Variants in THOC1 observed in about 807,000 individuals in gnomAD.
THOC1 encodes the protein THO complex 1.
THOC1 carries 29 observed loss-of-function variants against 97.3 expected under a neutral mutation model. That is an observed-to-expected ratio of 0.30 (90% CI 0.22 to 0.41). The LOEUF (loss-of-function observed/expected upper bound fraction) is 0.41. THOC1 is among the 10% of genes least tolerant of loss of function. The probability of loss-of-function intolerance (pLI) is 1.00; values close to 1 mark genes in which losing one functional copy is unlikely to be tolerated. For synonymous variants in THOC1, 255 were observed against 257.0 expected, an observed-to-expected ratio of 0.99 and a Z score of 0.07; for missense variants, 529 against 761.9, an observed-to-expected ratio of 0.69 and a Z score of 3.60.
At chr18:223,357 G>T in intron 17 of THOC1, 83 bp downstream of exon 17, 2 of 1,102,604 alleles carry the variant, frequency 1.8e-6, no homozygotes, top group Non-Finnish European at 2.6e-6. Context: ...TTTCATTTGA[G>T]CTCTGATCAT....
At chr18:229,364 C>T (rs1236099616) in intron 11 of THOC1, among the ~76,000 whole-genome samples, 2 of 152,146 alleles carry the variant, frequency 1.3e-5, no homozygotes, top group Non-Finnish European at 2.9e-5. Context: ...ATCATCTGAC[C>T]GCCTCATCCA....
At chr18:253,049 TAAG>T (rs1912330664) in intron 8 of THOC1, among the ~76,000 whole-genome samples, 1 of 152,164 alleles carries the variant, frequency 6.6e-6, no homozygotes, top group South Asian at 2.1e-4. Flanking sequence ...AAATTAAAAC[TAAG>T]AAGACTTATT....
Position 264,027 on chromosome 18 carries a change from T to C in THOC1, c.255A>G (p.Glu85=). The C allele has an allele frequency of 6.2e-7, 1 of 1,609,768 alleles. No homozygotes were observed. The highest frequency in any genetic ancestry group is 1.1e-5 in the South Asian group (1 of 90,568). The part of the protein sequence containing the change: ...IISLAIGGVT[E]GICTASTPFV... ...AAAACAAAACGGAACCATACTTACCTTCAGTTACTCCCCCAATAGCAAGAG... is the reference window on the plus strand; with the variant it reads ...AAAACAAAACGGAACCATACTTACCCTCAGTTACTCCCCCAATAGCAAGAG... The change falls in exon 4 of 21, where the codon GAA becomes GAG. Residue 85 remains glutamate (E), a splice_region_variant and synonymous_variant. Transcript: ENST00000261600.
intron 9 of THOC1, among the ~76,000 whole-genome samples, chr18:249,661 C>T (rs201605475): frequency 1.2e-5 from 1 of 84,978 alleles, no homozygotes; most frequent in Admixed American, 1.4e-4. Flanking sequence ...GACTCCGTCT[C>T]AAAAAAGAAA....
At chr18:264,394 A>T (rs867055380) in intron 3 of THOC1, among the ~76,000 whole-genome samples, 1 of 152,258 alleles carries the variant, frequency 6.6e-6, no homozygotes, top group Non-Finnish European at 1.5e-5. Context: ...TGCTGAAGCC[A>T]TAACTCAGCC....
chr18:237,962 G>C (rs886923291), intron 11 of THOC1, among the ~76,000 whole-genome samples: 1 of 151,980 alleles, frequency 6.6e-6, no homozygotes, highest in Non-Finnish European at 1.5e-5. Context: ...TGCCTCCCAG[G>C]TTCAATGGAT....
At chr18:215,259 T>C (rs2143127877) in intron 20 of THOC1, among the ~76,000 whole-genome samples, 170 bp downstream of exon 20, 1 of 152,348 alleles carries the variant, frequency 6.6e-6, no homozygotes, top group East Asian at 1.9e-4. Context: ...TAAAATGTAG[T>C]GTTTTTAAAG....
At chr18:257,546 A>G (rs973416335) in intron 7 of THOC1, among the ~76,000 whole-genome samples, 36 of 152,276 alleles carry the variant, frequency 2.4e-4, no homozygotes, top group African/African-American at 8.4e-4. Context: ...TAGTATACAC[A>G]TATGTCTCTC....
intron 11 of THOC1, among the ~76,000 whole-genome samples, chr18:238,466 T>TG (rs1911785912): frequency 6.6e-6 from 1 of 152,224 alleles, no homozygotes; most frequent in Non-Finnish European, 1.5e-5. Context: ...TGTGTGAATA[T>TG]CATAGAGTGT....
chr18:217,132 A>G (rs1303922683), intron 18 of THOC1, among the ~76,000 whole-genome samples: 1 of 152,262 alleles, frequency 6.6e-6, no homozygotes, highest in East Asian at 1.9e-4. Context: ...CCACAAATTT[A>G]TTCCATTTAA....
At chr18:241,723 T>TA (rs998323147) in intron 11 of THOC1, among the ~76,000 whole-genome samples, 1 of 152,232 alleles carries the variant, frequency 6.6e-6, no homozygotes, top group Non-Finnish European at 1.5e-5. Context: ...ATCATGGTAA[T>TA]ACTCATGGTA....
chr18:265,098 A>G lies in THOC1; in HGVS notation c.189+205T>C, dbSNP rs911794240. 13 of 530,938 alleles carry G rather than the reference A, an allele frequency of 2.4e-5. No individual in the cohort carries two copies. In the South Asian group the frequency reaches 3.2e-4, roughly 13 times the overall value. 32.9% of individuals were successfully genotyped at this position (530,938 alleles called of 1,614,324 possible). A position where few individuals can be genotyped will look rare whatever the true frequency, so the allele number is the denominator to read the frequency against. ...ATCTCACTTGGAGAGGGCTCTTGTC[A>G]TTTATTAAACCAAACCCTTAAAATG... is the stretch of plus-strand genomic sequence containing the variant. On this transcript the variant is annotated intron_variant, in intron 3 of 20. Coordinates refer to ENST00000261600, the MANE Select transcript of THOC1 (RefSeq NM_005131.3).
chr18:263,993 A>C, intron 4 of THOC1, 33 bp downstream of exon 4: 1 of 1,506,908 alleles, frequency 6.6e-7, no homozygotes. Context: ...GTCCAAGATT[A>C]CTTTAAACAA....
chr18:215,008 C>T (rs1910820983), intron 20 of THOC1, 87 bp from the exon 21 acceptor site: 1 of 1,182,930 alleles, frequency 8.5e-7, no homozygotes, highest in African/African-American at 1.5e-5. Context: ...TTTTATTAAC[C>T]ACCTTTAGTA....
At chr18:238,264 TG>T (rs373936454) in intron 11 of THOC1, among the ~76,000 whole-genome samples, 5 of 152,258 alleles carry the variant, frequency 3.3e-5, no homozygotes, top group African/African-American at 1.2e-4. Flanking sequence ...GTGTCCCTGC[TG>T]AGTTATAAGA....
At chr18:233,454 C>A (rs1165651146) in intron 11 of THOC1, among the ~76,000 whole-genome samples, 2 of 152,080 alleles carry the variant, frequency 1.3e-5, no homozygotes, top group African/African-American at 4.8e-5. Context: ...GGCATGGTGG[C>A]GCATGCCTGT....
Position 267,995 on chromosome 18 carries a change from T to C in THOC1, c.25A>G (p.Ser9Gly). The C allele has an allele frequency of 6.2e-7, 1 of 1,611,128 alleles. No homozygotes were observed. The highest frequency in any genetic ancestry group is 8.5e-7 in the Non-Finnish European group (1 of 1,178,918). The part of the protein sequence containing the change: MSPTPPLF[S>G]LPEARTRFTK... ...AACCGCGTCCGCGCTTCGGGCAAAC[T>C]GAAGAGCGGCGGCGTCGGAGACATC... The change falls in exon 1 of 21, where the codon AGT (serine) becomes GGT (glycine). Residue 9 changes from serine to glycine, a missense_variant. By Grantham distance (56) the Ser-to-Gly change is moderately conservative. This residue lies in a region of THOC1 where 114 missense variants were observed against 97.4 expected (regional missense o/e 1.17). Transcript: ENST00000261600.
chr18:259,103 A>C, intron 7 of THOC1, 77 bp downstream of exon 7: 1 of 1,087,144 alleles, frequency 9.2e-7, no homozygotes, highest in South Asian at 1.4e-5. Context: ...TTTTCTCATT[A>C]TCATGACAGA....
chr18:224,200 A>G (rs762132494), intron 15 of THOC1, 21 bp from the exon 16 acceptor site: 30 of 1,502,666 alleles, frequency 2.0e-5, no homozygotes, highest in Admixed American at 3.7e-5. Context: ...CAAAACATAC[A>G]CTATTTTTTG....
Sources: allele counts gnomAD v4.1 joint callset (sites outside exome capture counted in the v4.1 genomes callset), GRCh38; gene constraint gnomAD v4.1.1; regional missense constraint gnomAD v4.1.1; transcripts MANE v1.5; gene names NCBI Gene and HGNC (gene_info 2026-07-23, HGNC 2026-07-21).